The following HMCN1 variants were observed in gnomAD, a reference collection of about 807,000 sequenced individuals.
The protein encoded by HMCN1 is hemicentin 1.
HMCN1 carries 321 observed loss-of-function variants against 625.9 expected under a neutral mutation model. That is an observed-to-expected ratio of 0.51 (90% CI 0.47 to 0.56). HMCN1 has a LOEUF of 0.56. Among genes scored for constraint, HMCN1 ranks in the 20% least tolerant of loss-of-function variants. The probability of loss-of-function intolerance (pLI) is 0.00; values close to 1 mark genes in which losing one functional copy is unlikely to be tolerated. For synonymous variants in HMCN1, 2,425 were observed against 2,417.6 expected (o/e 1.00, Z -0.09); for missense variants, 6,588 against 6,887.3 (o/e 0.96, Z 1.54).
chr1:186,184,890 A>G (rs1043446525), intron 105 of HMCN1, among the ~76,000 whole-genome samples: 1 of 152,206 alleles, frequency 6.6e-6, no homozygotes, highest in African/African-American at 2.4e-5. Context: ...CACATCATCC[A>G]TGAACAGAAG....
chr1:186,090,630 A>C, intron 63 of HMCN1, 128 bp from the exon 64 acceptor site: 1 of 1,007,084 alleles, frequency 9.9e-7, no homozygotes, highest in Non-Finnish European at 1.5e-6. Context: ...GAAGATAACA[A>C]TAGTTTGACC....
chr1:185,779,407 A>G (rs527469808), intron 1 of HMCN1, among the ~76,000 whole-genome samples: 23 of 152,352 alleles, frequency 1.5e-4, no homozygotes, highest in Admixed American at 2.0e-4. Context: ...GGTTTTAGAC[A>G]TGAAGTCCTT....
intron 48 of HMCN1, 117 bp from the exon 49 acceptor site, chr1:186,065,121 G>T (rs936922502): frequency 1.4e-6 from 1 of 708,450 alleles, no homozygotes; most frequent in East Asian, 2.7e-5. Flanking sequence ...AATGATTACT[G>T]CCGTGTTTTA....
Position 185,948,571 on chromosome 1 carries a change from C to T in HMCN1, c.1829-13947C>T, listed in dbSNP as rs536364329. On this transcript the variant is annotated intron_variant, in intron 11 of 106. Coordinates refer to ENST00000271588, the MANE Select transcript of HMCN1 (RefSeq NM_031935.3). ...TAATGTCATCACTTAAGGCAAGGAC[C>T]GGCCATTTACACTTCTTTTGTGGTG... Among the ~76,000 whole-genome samples the T allele has an allele frequency of 5.5e-3, 822 of 149,904 alleles. 4 individuals are homozygous for T. Among genetic ancestry groups the T allele is most frequent in the Admixed American group, 8.7e-3 (130 of 15,006 alleles).
chr1:185,891,432 T>C (rs533584063), intron 4 of HMCN1, among the ~76,000 whole-genome samples: 19 of 148,602 alleles, frequency 1.3e-4, no homozygotes, highest in African/African-American at 4.5e-4. Context: ...TTTGGCATGA[T>C]TTTGCAGCGG....
chr1:185,969,871 T>A (rs1650689079), intron 14 of HMCN1, among the ~76,000 whole-genome samples: 1 of 152,130 alleles, frequency 6.6e-6, no homozygotes, highest in Non-Finnish European at 1.5e-5. Flanking sequence ...AATCATAGCT[T>A]TGTTGAGACA....
intron 85 of HMCN1, 105 bp from the exon 86 acceptor site, chr1:186,132,223 C>G: frequency 1.3e-6 from 1 of 786,070 alleles, no homozygotes; most frequent in South Asian, 1.5e-5. Context: ...CATTAAAATT[C>G]CTTCTCAAAA....
At position 185,948,161 on chromosome 1, in the gene HMCN1, G is replaced by A. The variant is rs908313099; in HGVS notation, c.1828+14337G>A. Among the ~76,000 whole-genome samples, 4 of 152,164 alleles carry A rather than the reference G, an allele frequency of 2.6e-5. No individual in the cohort carries two copies. In the South Asian group the frequency reaches 8.3e-4, roughly 32 times the overall value. The stretch of plus-strand genomic sequence containing the variant: ...AGAGATCCTGTAAAACACATTTACA[G>A]GCTATACAACTCAATAGAAATTAGT... On this transcript the variant is annotated intron_variant, in intron 11 of 106. Coordinates refer to ENST00000271588, the MANE Select transcript of HMCN1 (RefSeq NM_031935.3).
At chr1:186,022,853 C>T (rs1369053235) in intron 35 of HMCN1, among the ~76,000 whole-genome samples, 177 bp from the exon 36 acceptor site, 1 of 151,970 alleles carries the variant, frequency 6.6e-6, no homozygotes, top group African/African-American at 2.4e-5. Context: ...TCAAACTAGT[C>T]TATTGTCTTG....
chr1:186,162,009 A>T (rs926907364), intron 97 of HMCN1, among the ~76,000 whole-genome samples: 15 of 152,150 alleles, frequency 9.9e-5, no homozygotes, highest in Admixed American at 7.2e-4. Flanking sequence ...TATCCTGCAG[A>T]GTGTTTTCCA....
chr1:185,925,288 C>A, intron 9 of HMCN1, 97 bp downstream of exon 9: 1 of 1,216,242 alleles, frequency 8.2e-7, no homozygotes, highest in Non-Finnish European at 1.2e-6. Flanking sequence ...AAAATTCTCA[C>A]TTGCTACATA....
intron 44 of HMCN1, 70 bp from the exon 45 acceptor site, chr1:186,055,323 A>G: frequency 7.0e-7 from 1 of 1,427,754 alleles, no homozygotes; most frequent in Non-Finnish European, 9.9e-7. Flanking sequence ...TTGGCTGATG[A>G]AAATTCCTAT....
At chr1:186,052,068 G>C (rs1656988784) in intron 42 of HMCN1, among the ~76,000 whole-genome samples, 1 of 151,906 alleles carries the variant, frequency 6.6e-6, no homozygotes, top group Non-Finnish European at 1.5e-5. Flanking sequence ...GCAGGGCTTA[G>C]TATGAAAAGT....
intron 1 of HMCN1, among the ~76,000 whole-genome samples, chr1:185,830,218 GT>G (rs1660773351): frequency 6.6e-6 from 1 of 152,080 alleles, no homozygotes; most frequent in Non-Finnish European, 1.5e-5. Context: ...TCTGATGATA[GT>G]TTCTTTTGCT....
At chr1:185,959,001 T>G (rs1207670733) in intron 11 of HMCN1, among the ~76,000 whole-genome samples, 1 of 152,196 alleles carries the variant, frequency 6.6e-6, no homozygotes, top group Non-Finnish European at 1.5e-5. Context: ...TGTGAGATCT[T>G]TGAAGGCATA....
intron 29 of HMCN1, among the ~76,000 whole-genome samples, chr1:186,004,959 A>G (rs1653454632): frequency 6.6e-6 from 1 of 152,134 alleles, no homozygotes; most frequent in African/African-American, 2.4e-5. Flanking sequence ...TGTACCAAAA[A>G]TATCTCCATA....
intron 30 of HMCN1, among the ~76,000 whole-genome samples, chr1:186,010,484 T>A (rs1653931304): frequency 6.6e-6 from 1 of 152,200 alleles, no homozygotes; most frequent in Non-Finnish European, 1.5e-5. Flanking sequence ...AGTAGATCCT[T>A]CCTGATACAA....
At chr1:185,946,456 T>C (rs1023548618) in intron 11 of HMCN1, among the ~76,000 whole-genome samples, 1 of 152,182 alleles carries the variant, frequency 6.6e-6, no homozygotes, top group Non-Finnish European at 1.5e-5. Flanking sequence ...GAAGTAATGG[T>C]GCTAATTATG....
rs753432736 is a variant in HMCN1, at chr1:185,868,358, C to A, written c.621+2495C>A. On this transcript the variant is annotated intron_variant, in intron 4 of 106. Coordinates refer to ENST00000271588, the MANE Select transcript of HMCN1 (RefSeq NM_031935.3). ...TCGCTGTGTCTCCCCCCACTGCCCC[C>A]CAATCAGTTCTCATTTTACATTGTA... Among the ~76,000 whole-genome samples the A allele has an allele frequency of 2.6e-5, 4 of 152,114 alleles. No individual in the cohort carries two copies. The East Asian group carries it at 7.7e-4, about 29-fold the overall frequency.
Sources: allele counts gnomAD v4.1 joint callset (sites outside exome capture counted in the v4.1 genomes callset), GRCh38; gene constraint gnomAD v4.1.1; transcripts MANE v1.5; gene names NCBI Gene and HGNC (gene_info 2026-07-23, HGNC 2026-07-21).